NFATC3: variants seen among roughly 807,000 people sequenced by gnomAD.
NFATC3 encodes the protein nuclear factor of activated T cells 3.
Under a neutral mutation model 98.6 loss-of-function variants are expected in NFATC3, and 46 were observed. The ratio of observed to expected loss-of-function variants is 0.47; its 90% CI spans 0.37 to 0.60. The LOEUF is 0.60. Among genes scored for constraint, NFATC3 ranks in the 20% least tolerant of loss-of-function variants. The pLI is 0.00. For missense variants in NFATC3, 1,256 were observed against 1,295.5 expected, an observed-to-expected ratio of 0.97 and a Z score of 0.47; for synonymous variants, 512 against 472.2, an observed-to-expected ratio of 1.08 and a Z score of -1.09.
intron 1 of NFATC3, chr16:68,086,629 T>C: frequency 3.0e-6 from 3 of 985,380 alleles, no homozygotes; most frequent in Non-Finnish European, 3.6e-6. Flanking sequence ...GTTTCCCTGT[T>C]ACATATGCAT....
chr16:68,140,363 A>T (rs771524548), intron 3 of NFATC3, among the ~76,000 whole-genome samples: 3 of 152,226 alleles, frequency 2.0e-5, no homozygotes, highest in Non-Finnish European at 4.4e-5. Flanking sequence ...GATACTAAGG[A>T]GGGAAAAGTA....
intron 4 of NFATC3, among the ~76,000 whole-genome samples, chr16:68,163,052 A>AT (rs1460958713): frequency 6.6e-6 from 1 of 152,144 alleles, no homozygotes; most frequent in African/African-American, 2.4e-5. Context: ...TTCAGAGAGC[A>AT]CAGGGTTGGG....
At chr16:68,193,844 T>A (rs982763763) in intron 9 of NFATC3, among the ~76,000 whole-genome samples, 3 of 150,976 alleles carry the variant, frequency 2.0e-5, no homozygotes, top group Non-Finnish European at 2.9e-5. Flanking sequence ...CAGAGGCAAG[T>A]CAGATAACAC....
At chr16:68,215,809 G>A (rs760166543) in intron 9 of NFATC3, among the ~76,000 whole-genome samples, 4 of 139,630 alleles carry the variant, frequency 2.9e-5, no homozygotes, top group African/African-American at 1.1e-4. Context: ...CTCACTGCAC[G>A]CTCCGCCTCC....
At chr16:68,112,065 A>G (rs374880624) in intron 1 of NFATC3, among the ~76,000 whole-genome samples, 15 of 151,854 alleles carry the variant, frequency 9.9e-5, no homozygotes, top group East Asian at 9.7e-4. Flanking sequence ...CTTCATTTCA[A>G]CCTTGGAGAA....
At chr16:68,217,659 A>G (rs1170869154) in intron 9 of NFATC3, 1 of 1,231,228 alleles carries the variant, frequency 8.1e-7, no homozygotes, top group Non-Finnish European at 1.0e-6. Context: ...ACACCTCATG[A>G]TAATTCAGAG....
chr16:68,183,817 A>C (rs1411388985), intron 8 of NFATC3, among the ~76,000 whole-genome samples: 1 of 152,062 alleles, frequency 6.6e-6, no homozygotes, highest in Non-Finnish European at 1.5e-5. Context: ...CAGCCTGACC[A>C]ACATGGATGG....
At chr16:68,142,121 T>G (rs1053264270) in intron 3 of NFATC3, among the ~76,000 whole-genome samples, 2 of 152,146 alleles carry the variant, frequency 1.3e-5, no homozygotes, top group African/African-American at 2.4e-5. Flanking sequence ...TTGTAAGTAG[T>G]TGGCTTTTTT....
intron 4 of NFATC3, among the ~76,000 whole-genome samples, chr16:68,159,432 TA>T (rs1268566360): frequency 6.6e-6 from 1 of 150,874 alleles, no homozygotes; most frequent in East Asian, 1.9e-4. Flanking sequence ...TATTTTTATT[TA>T]TTTTTTTCAA....
chr16:68,097,145 C>T (rs1186574336), intron 1 of NFATC3, among the ~76,000 whole-genome samples: 1 of 152,104 alleles, frequency 6.6e-6, no homozygotes, highest in Non-Finnish European at 1.5e-5. Flanking sequence ...TTCTATTTTT[C>T]TAGTTTGGGT....
At chr16:68,190,579 G>A (rs1057377826) in intron 8 of NFATC3, among the ~76,000 whole-genome samples, 189 bp from the exon 9 acceptor site, 2 of 152,260 alleles carry the variant, frequency 1.3e-5, no homozygotes, top group Non-Finnish European at 1.5e-5. Flanking sequence ...AGCAAAACGT[G>A]TATGTGTATA....
intron 3 of NFATC3, among the ~76,000 whole-genome samples, chr16:68,128,346 G>A (rs771654292): frequency 1.8e-4 from 27 of 151,670 alleles, no homozygotes; most frequent in Non-Finnish European, 3.8e-4. Flanking sequence ...ATTAAGAAAC[G>A]CCAGGAAAAC....
chr16:68,156,581 T>C (rs1238638341), intron 3 of NFATC3, among the ~76,000 whole-genome samples: 2 of 152,120 alleles, frequency 1.3e-5, no homozygotes, highest in African/African-American at 4.8e-5. Context: ...AGAAAAACCA[T>C]GTGGTCATCT....
intron 9 of NFATC3, among the ~76,000 whole-genome samples, chr16:68,193,878 T>C (rs2151119158): frequency 6.7e-6 from 1 of 149,466 alleles, no homozygotes; most frequent in South Asian, 2.1e-4. Context: ...AAGAAGGGTA[T>C]GTTTGTCAGG....
At chr16:68,181,082 T>C (rs1199619293) in intron 6 of NFATC3, among the ~76,000 whole-genome samples, 1 of 152,250 alleles carries the variant, frequency 6.6e-6, no homozygotes, top group Non-Finnish European at 1.5e-5. Flanking sequence ...ATCGCCACAC[T>C]GTCTTCCACA....
chr16:68,099,081 G>A (rs554613377), intron 1 of NFATC3, among the ~76,000 whole-genome samples: 37 of 152,176 alleles, frequency 2.4e-4, no homozygotes, highest in Non-Finnish European at 5.0e-4. Context: ...GTGTGTTTAT[G>A]TGTGTAGTTC....
At chr16:68,213,683 G>A (rs2041515570) in intron 9 of NFATC3, among the ~76,000 whole-genome samples, 1 of 152,058 alleles carries the variant, frequency 6.6e-6, no homozygotes, top group African/African-American at 2.4e-5. Context: ...ACAAAAAGTA[G>A]CCAGGCATGG....
At chr16:68,220,040 CATT>C (rs1382866954) in intron 9 of NFATC3, among the ~76,000 whole-genome samples, 3 of 152,202 alleles carry the variant, frequency 2.0e-5, no homozygotes, top group African/African-American at 7.2e-5. Flanking sequence ...TTACAGCAAA[CATT>C]ATTGATAGCT....
intron 9 of NFATC3, among the ~76,000 whole-genome samples, chr16:68,211,893 A>G (rs949777815): frequency 6.6e-6 from 1 of 152,236 alleles, no homozygotes; most frequent in Non-Finnish European, 1.5e-5. Context: ...GGAGCTCACG[A>G]AAGTGCTTCA....
Sources: allele counts gnomAD v4.1 joint callset (sites outside exome capture counted in the v4.1 genomes callset), GRCh38; gene constraint gnomAD v4.1.1; transcripts MANE v1.5; gene names NCBI Gene and HGNC (gene_info 2026-07-23, HGNC 2026-07-21).